Variants in NPSR1 observed in about 807,000 individuals in gnomAD.
The protein encoded by NPSR1 is neuropeptide S receptor 1, also known as neuropeptide S receptor.
NPSR1 carries 48 observed loss-of-function variants against 46.9 expected under a neutral mutation model. That is an observed-to-expected ratio of 1.02 (90% CI 0.81 to 1.30). NPSR1 has a LOEUF of 1.30. Ranked by LOEUF, NPSR1 falls within the 50% of genes most tolerant of loss-of-function variation. The pLI is 0.00. For missense variants in NPSR1, 450 were observed against 449.5 expected, an observed-to-expected ratio of 1.00 and a Z score of -0.01; for synonymous variants, 176 against 168.1, an observed-to-expected ratio of 1.05 and a Z score of -0.36.
chr7:34,688,242 T>A (rs1445435559), intron 2 of NPSR1, among the ~76,000 whole-genome samples: 2 of 152,170 alleles, frequency 1.3e-5, no homozygotes, highest in African/African-American at 4.8e-5. Flanking sequence ...TATCCCATCA[T>A]CAAATTAACT....
intron 2 of NPSR1, among the ~76,000 whole-genome samples, chr7:34,686,650 T>C (rs1792941769): frequency 6.6e-6 from 1 of 152,166 alleles, no homozygotes; most frequent in Non-Finnish European, 1.5e-5. Context: ...AAATTCTTGC[T>C]CTCTCTCACC....
In NPSR1 at chr7:34,875,765, A is replaced by G. The variant is rs182524985; in HGVS notation, c.1026-2311A>G. 2.8e-3 allele frequency among the ~76,000 whole-genome samples: 431 copies of G among 151,432 alleles called. 3 individuals are homozygous for G. The highest frequency in any genetic ancestry group is 8.5e-3 in the South Asian group (41 of 4,828). ...TATCTGCATTTGGAATGACATACCC[A>G]ATTCTATTTGGGAAAGAAGCACAAT... On this transcript the variant is annotated intron_variant, in intron 8 of 8. Coordinates refer to the NPSR1 transcript ENST00000359791.
Position 34,764,452 on chromosome 7 carries a change from C to A in NPSR1, c.281-14010C>A, listed in dbSNP as rs555200572. ...TAAATAAAGTTTTATTGGATTACAG[C>A]CAGGCCCATCCAGTTACAGAATTGT... On this transcript the variant is annotated intron_variant, in intron 2 of 8. Transcript: ENST00000360581. Among the ~76,000 whole-genome samples the A allele has an allele frequency of 3.3e-5, 5 of 152,276 alleles. No individual in the cohort carries two copies. In the East Asian group the frequency reaches 9.7e-4, roughly 29 times the overall value.
At chr7:34,716,002 G>A (rs1783543045) in intron 2 of NPSR1, among the ~76,000 whole-genome samples, 1 of 152,118 alleles carries the variant, frequency 6.6e-6, no homozygotes, top group African/African-American at 2.4e-5. Flanking sequence ...ATTCAAAGAA[G>A]GAAGGATAAA....
At chr7:34,709,724 A>G (rs1562668441) in intron 2 of NPSR1, among the ~76,000 whole-genome samples, 1 of 152,190 alleles carries the variant, frequency 6.6e-6, no homozygotes, top group East Asian at 1.9e-4. Context: ...TTTATTCTCC[A>G]AGAACTTAGA....
intron 2 of NPSR1, among the ~76,000 whole-genome samples, chr7:34,730,202 G>C (rs35250913): frequency 0.017 from 2,641 of 152,302 alleles, 85 homozygotes; most frequent in African/African-American, 0.06. Context: ...AGAATTAATG[G>C]TCAGAAACAA....
intron 2 of NPSR1, among the ~76,000 whole-genome samples, chr7:34,725,983 T>G (rs1478732483): frequency 1.3e-5 from 2 of 152,148 alleles, no homozygotes; most frequent in Non-Finnish European, 2.9e-5. Context: ...AGATATGACT[T>G]TGCTCCTCCT....
chr7:34,740,078 G>A (rs1434135514), intron 2 of NPSR1, among the ~76,000 whole-genome samples: 1 of 152,092 alleles, frequency 6.6e-6, no homozygotes, highest in Non-Finnish European at 1.5e-5. Context: ...AAGTCTTAGT[G>A]CAGCTGCTGT....
chr7:34,841,227 T>C (rs1362880085), intron 6 of NPSR1, among the ~76,000 whole-genome samples: 1 of 152,102 alleles, frequency 6.6e-6, no homozygotes, highest in East Asian at 1.9e-4. Context: ...CCCCACTACC[T>C]CCCAGGAAAC....
chr7:34,669,794 A>G (rs920105976), intron 1 of NPSR1, among the ~76,000 whole-genome samples: 6 of 152,172 alleles, frequency 3.9e-5, no homozygotes, highest in African/African-American at 1.2e-4. Flanking sequence ...TGACCTTCCC[A>G]AGGTTACATA....
chr7:34,732,079 CAAAAAAAA>C (rs535991989), intron 2 of NPSR1, among the ~76,000 whole-genome samples: 2 of 93,894 alleles, frequency 2.1e-5, no homozygotes, highest in Non-Finnish European at 4.2e-5. Flanking sequence ...GACTTCATCT[CAAAAAAAA>C]AAAAAAAAAA....
At chr7:34,692,568 T>A (rs183842774) in intron 2 of NPSR1, among the ~76,000 whole-genome samples, 86 of 152,120 alleles carry the variant, frequency 5.7e-4, no homozygotes, top group African/African-American at 2.0e-3. Flanking sequence ...AGAGAAAAGT[T>A]TATAGAATTC....
At position 34,697,005 on chromosome 7, in the gene NPSR1, A is replaced by G. The variant is rs549159285; in HGVS notation, c.280+12321A>G. Among the ~76,000 whole-genome samples the G allele has an allele frequency of 2.5e-4, 38 of 152,162 alleles. 1 individual carries two copies. Among genetic ancestry groups the G allele is most frequent in the African/African-American group, 9.1e-4 (38 of 41,578 alleles). ...TTTAAGGATACATACCAAAATGTTTATAGGTAAACTGATAACATGTCTGGG... is the reference window on the plus strand; with the variant it reads ...TTTAAGGATACATACCAAAATGTTTGTAGGTAAACTGATAACATGTCTGGG... On this transcript the variant is annotated intron_variant, in intron 2 of 8. Coordinates refer to ENST00000360581, the MANE Select transcript of NPSR1 (RefSeq NM_207172.2).
At chr7:34,796,350 T>TA (rs1788170767) in intron 3 of NPSR1, among the ~76,000 whole-genome samples, 1 of 152,128 alleles carries the variant, frequency 6.6e-6, no homozygotes, top group Non-Finnish European at 1.5e-5. Context: ...TTATTAAAAT[T>TA]AAAATTAAAA....
chr7:34,658,658 G>T, intron 1 of NPSR1, 99 bp downstream of exon 1: 1 of 1,196,898 alleles, frequency 8.4e-7, no homozygotes. Flanking sequence ...TATTGTGAAT[G>T]AGTGTTATTT....
chr7:34,873,101 C>T (rs1791495844), intron 8 of NPSR1, among the ~76,000 whole-genome samples: 3 of 151,792 alleles, frequency 2.0e-5, no homozygotes, highest in African/African-American at 7.3e-5. Flanking sequence ...CAGCCAAGCT[C>T]TTCATTAAAG....
chr7:34,876,001 G>T (rs1028521860), intron 8 of NPSR1, among the ~76,000 whole-genome samples: 14 of 152,140 alleles, frequency 9.2e-5, no homozygotes, highest in Non-Finnish European at 1.8e-4. Context: ...AGGCCTATTT[G>T]TCTCTCCTCA....
At chr7:34,802,989 G>A (rs1322048823) in intron 3 of NPSR1, among the ~76,000 whole-genome samples, 1 of 150,534 alleles carries the variant, frequency 6.6e-6, no homozygotes, top group African/African-American at 2.5e-5. Flanking sequence ...CTGGCCATCA[G>A]AGAAATGCAA....
intron 8 of NPSR1, among the ~76,000 whole-genome samples, chr7:34,876,478 C>T (rs1375122373): frequency 6.6e-6 from 1 of 152,164 alleles, no homozygotes; most frequent in Non-Finnish European, 1.5e-5. Context: ...CTAAAAATTG[C>T]TTCCTTTGCC....
Sources: gnomAD v4.1 joint callset for allele counts (sites outside exome capture counted in the v4.1 genomes callset) on GRCh38, gnomAD v4.1.1 for gene constraint, MANE v1.5 for transcripts, NCBI Gene and HGNC (gene_info 2026-07-23, HGNC 2026-07-21) for gene names.